FOXN3: variants seen among roughly 807,000 people sequenced by gnomAD.
FOXN3 encodes forkhead box protein N3.
A neutral mutation model predicts 38.4 loss-of-function variants in FOXN3; 7 were observed. The ratio of observed to expected loss-of-function variants is 0.18; its 90% CI spans 0.10 to 0.34. The LOEUF (loss-of-function observed/expected upper bound fraction) is 0.34, where lower values mean the gene tolerates loss of function less well. Among genes scored for constraint, FOXN3 ranks in the 10% least tolerant of loss-of-function variants. The probability of loss-of-function intolerance (pLI) is 1.00; values close to 1 mark genes in which losing one functional copy is unlikely to be tolerated. For missense variants in FOXN3, 456 were observed against 613.4 expected, an observed-to-expected ratio of 0.74 and a Z score of 2.71; for synonymous variants, 230 against 242.2, an observed-to-expected ratio of 0.95 and a Z score of 0.47.
chr14:89,230,680 T>C (rs1884779692), intron 4 of FOXN3: 2 of 241,356 alleles, frequency 8.3e-6, no homozygotes, highest in East Asian at 9.0e-5. Flanking sequence ...TTGTGTCTGT[T>C]TCCTTCACTG....
At chr14:89,478,012 T>C (rs150118231) in intron 1 of FOXN3, among the ~76,000 whole-genome samples, 1 of 152,238 alleles carries the variant, frequency 6.6e-6, no homozygotes, top group Non-Finnish European at 1.5e-5. Flanking sequence ...CCAAATCTCA[T>C]GTTGAAATGT....
chr14:89,360,765 A>ACCAC (rs1566966433), intron 2 of FOXN3, among the ~76,000 whole-genome samples: 16 of 65,874 alleles, frequency 2.4e-4, no homozygotes, highest in South Asian at 6.2e-4. Flanking sequence ...CACCTCCACC[A>ACCAC]CTACCACCTC....
chr14:89,213,506 C>A (rs531611253), intron 4 of FOXN3, among the ~76,000 whole-genome samples: 1 of 152,292 alleles, frequency 6.6e-6, no homozygotes, highest in African/African-American at 2.4e-5. Context: ...CCCTCTCTCC[C>A]CTTTTTGAAA....
intron 1 of FOXN3, among the ~76,000 whole-genome samples, chr14:89,608,841 C>T (rs1896333242): frequency 6.6e-6 from 1 of 152,200 alleles, no homozygotes; most frequent in African/African-American, 2.4e-5. Context: ...ATTAGCAGAT[C>T]CAACTAAGTT....
intron 4 of FOXN3, among the ~76,000 whole-genome samples, chr14:89,246,542 CT>C (rs755916666): frequency 2.0e-4 from 17 of 83,998 alleles, no homozygotes; most frequent in African/African-American, 3.8e-4. Flanking sequence ...CAGGATGCGG[CT>C]TTTTTTTTTT....
intron 1 of FOXN3, among the ~76,000 whole-genome samples, chr14:89,589,512 A>G (rs1023704247): frequency 6.6e-6 from 1 of 152,130 alleles, no homozygotes; most frequent in African/African-American, 2.4e-5. Flanking sequence ...CCTCAGAAAC[A>G]TTTCCTATTC....
At chr14:89,320,802 A>G (rs944645542) in intron 3 of FOXN3, among the ~76,000 whole-genome samples, 5 of 152,352 alleles carry the variant, frequency 3.3e-5, no homozygotes, top group African/African-American at 1.2e-4. Flanking sequence ...TATACCTCCC[A>G]GGAAGCATCA....
intron 3 of FOXN3, among the ~76,000 whole-genome samples, chr14:89,318,164 T>TTTC: frequency 6.8e-6 from 1 of 147,060 alleles, no homozygotes. Context: ...CTTCTTCTCT[T>TTTC]TTTTTTTTTT....
At chr14:89,592,411 G>A (rs1895975710) in intron 1 of FOXN3, among the ~76,000 whole-genome samples, 3 of 152,120 alleles carry the variant, frequency 2.0e-5, no homozygotes. Flanking sequence ...ACAGCAGAAT[G>A]ACTTATAAAG....
chr14:89,472,864 C>G (rs1200907280), intron 1 of FOXN3, among the ~76,000 whole-genome samples: 1 of 151,982 alleles, frequency 6.6e-6, no homozygotes, highest in Non-Finnish European at 1.5e-5. Flanking sequence ...TAAAGCTGAG[C>G]TCTCAAACAA....
intron 4 of FOXN3, among the ~76,000 whole-genome samples, chr14:89,238,090 C>A (rs1885032331): frequency 6.6e-6 from 1 of 152,206 alleles, no homozygotes; most frequent in East Asian, 1.9e-4. Context: ...CACCCTCTAC[C>A]TTTAAAGGAG....
intron 1 of FOXN3, among the ~76,000 whole-genome samples, chr14:89,546,383 G>A (rs1266052294): frequency 8.0e-6 from 1 of 124,958 alleles, no homozygotes. Context: ...AGGCTGGAGT[G>A]TGGTGGCGCA....
chr14:89,328,567 C>G (rs1231775919), intron 3 of FOXN3, among the ~76,000 whole-genome samples: 1 of 152,178 alleles, frequency 6.6e-6, no homozygotes, highest in African/African-American at 2.4e-5. Flanking sequence ...ACATTCCCAC[C>G]AGCAGCACTG....
At chr14:89,393,165 T>G (rs1891003478) in intron 2 of FOXN3, among the ~76,000 whole-genome samples, 1 of 151,986 alleles carries the variant, frequency 6.6e-6, no homozygotes, top group African/African-American at 2.4e-5. Flanking sequence ...GGTCTCGAAC[T>G]CCTGACCTCA....
chr14:89,267,773 T>C (rs571515106), intron 4 of FOXN3, among the ~76,000 whole-genome samples: 2 of 151,980 alleles, frequency 1.3e-5, no homozygotes, highest in Non-Finnish European at 2.9e-5. Context: ...AAAGAGAAAA[T>C]GTGTTCCATT....
chr14:89,536,233 G>A (rs1429066313), intron 1 of FOXN3, among the ~76,000 whole-genome samples: 1 of 152,220 alleles, frequency 6.6e-6, no homozygotes, highest in Non-Finnish European at 1.5e-5. Flanking sequence ...TCCTGGCTAT[G>A]CCACTAGTCC....
At chr14:89,472,911 A>G (rs1398687974) in intron 1 of FOXN3, among the ~76,000 whole-genome samples, 2 of 152,210 alleles carry the variant, frequency 1.3e-5, no homozygotes, top group African/African-American at 4.8e-5. Context: ...TTTATCACCA[A>G]TTCCTTTCCT....
At chr14:89,347,782 T>C (rs908936388) in intron 3 of FOXN3, among the ~76,000 whole-genome samples, 1 of 151,990 alleles carries the variant, frequency 6.6e-6, no homozygotes, top group Non-Finnish European at 1.5e-5. Flanking sequence ...TAAAACCCCA[T>C]CTCTACGAAA....
chr14:89,294,487 G>A (rs995986839), intron 3 of FOXN3, among the ~76,000 whole-genome samples: 11 of 152,176 alleles, frequency 7.2e-5, no homozygotes, highest in African/African-American at 2.7e-4. Context: ...TCATGAATAG[G>A]GGCTGGGTAA....
Sources: allele counts gnomAD v4.1 joint callset (sites outside exome capture counted in the v4.1 genomes callset), GRCh38; gene constraint gnomAD v4.1.1; transcripts MANE v1.5; gene names NCBI Gene and HGNC (gene_info 2026-07-23, HGNC 2026-07-21).